ZMIZ1: variants seen among roughly 807,000 people sequenced by gnomAD.
The protein encoded by ZMIZ1 is zinc finger MIZ-type containing 1, also known as zinc finger MIZ domain-containing protein 1.
A neutral mutation model predicts 113.9 loss-of-function variants in ZMIZ1; 17 were observed. The ratio of observed to expected loss-of-function variants is 0.15; its 90% CI spans 0.10 to 0.22. The LOEUF is 0.22. ZMIZ1 is among the 10% of genes least tolerant of loss of function. The probability of loss-of-function intolerance (pLI) is 1.00; values close to 1 mark genes in which losing one functional copy is unlikely to be tolerated. For synonymous variants in ZMIZ1, 607 were observed against 603.1 expected, an observed-to-expected ratio of 1.01 and a Z score of -0.09; for missense variants, 1,059 against 1,477.8, an observed-to-expected ratio of 0.72 and a Z score of 4.65.
intron 4 of ZMIZ1, among the ~76,000 whole-genome samples, chr10:79,201,004 G>A (rs907196855): frequency 1.8e-4 from 27 of 152,162 alleles, no homozygotes; most frequent in Non-Finnish European, 1.9e-4. Flanking sequence ...ACACACATGC[G>A]CATACAGAAA....
Position 79,097,566 on chromosome 10 carries a change from TG to T in ZMIZ1, c.-336-21348del, listed in dbSNP as rs542268587. ...GAGATAATAATAAAATCAATTGGAC[TG>T]TTTCCCCAGTAATTCTAGAGACTGA... On this transcript the variant is annotated intron_variant, in intron 1 of 24. Transcript: ENST00000334512. Among the ~76,000 whole-genome samples the T allele has an allele frequency of 3.3e-5, 5 of 152,334 alleles. No individual in the cohort carries two copies. In the East Asian group the frequency reaches 9.6e-4, roughly 29 times the overall value.
chr10:79,230,754 T>C (rs182211546), intron 7 of ZMIZ1, among the ~76,000 whole-genome samples: 79 of 152,310 alleles, frequency 5.2e-4, no homozygotes, highest in African/African-American at 1.7e-3. Context: ...TCCGCCCGTG[T>C]GGAAGCGCGA....
intron 7 of ZMIZ1, among the ~76,000 whole-genome samples, chr10:79,240,138 G>A (rs975290660): frequency 1.3e-5 from 2 of 151,698 alleles, no homozygotes; most frequent in African/African-American, 4.8e-5. Flanking sequence ...AAGCGCTGGC[G>A]GGCATTCATC....
At chr10:79,311,649 G>A (rs1178139039) in intron 24 of ZMIZ1, among the ~76,000 whole-genome samples, 5 of 152,002 alleles carry the variant, frequency 3.3e-5, no homozygotes, top group Middle Eastern at 3.4e-3. Context: ...TTGCTCCATC[G>A]CTCACTCCAA....
At chr10:79,103,918 A>G (rs1843460569) in intron 1 of ZMIZ1, among the ~76,000 whole-genome samples, 1 of 152,226 alleles carries the variant, frequency 6.6e-6, no homozygotes, top group South Asian at 2.1e-4. Context: ...CTGTCATTCA[A>G]GCACCATTTG....
At chr10:79,259,291 G>A (rs1851110192) in intron 7 of ZMIZ1, among the ~76,000 whole-genome samples, 2 of 152,114 alleles carry the variant, frequency 1.3e-5, no homozygotes, top group South Asian at 4.1e-4. Context: ...TTTCATGGAG[G>A]AGAAGAGAGA....
chr10:79,086,962 G>T (rs1043822293), intron 1 of ZMIZ1, among the ~76,000 whole-genome samples: 2 of 152,018 alleles, frequency 1.3e-5, no homozygotes, highest in African/African-American at 4.8e-5. Flanking sequence ...CCTTTTATTT[G>T]AATTTCTCAT....
chr10:79,164,467 TGAGTGAAG>T (rs1846240302), intron 4 of ZMIZ1, among the ~76,000 whole-genome samples: 1 of 152,022 alleles, frequency 6.6e-6, no homozygotes, highest in Non-Finnish European at 1.5e-5. Flanking sequence ...GTAGCTGTCT[TGAGTGAAG>T]GAGGTGGTAC....
intron 4 of ZMIZ1, among the ~76,000 whole-genome samples, chr10:79,173,812 T>C (rs191874124): frequency 2.1e-4 from 32 of 152,324 alleles, no homozygotes; most frequent in Admixed American, 5.9e-4. Context: ...CTAGGTAATA[T>C]GCTCGTGATC....
intron 17 of ZMIZ1, 43 bp downstream of exon 17, chr10:79,300,985 C>G: frequency 6.3e-7 from 1 of 1,599,196 alleles, no homozygotes; most frequent in Non-Finnish European, 8.5e-7. Flanking sequence ...CAGGCAGGCC[C>G]TGTTTCACGG....
intron 7 of ZMIZ1, among the ~76,000 whole-genome samples, chr10:79,272,201 G>A (rs146857071): frequency 0.036 from 5,416 of 151,958 alleles, 116 homozygotes; most frequent in Middle Eastern, 0.054. Flanking sequence ...CACAAGAATC[G>A]CTTGAATCCG....
In ZMIZ1 at chr10:79,115,616, C is replaced by T. The variant is rs573558348; in HGVS notation, c.-336-3299C>T. Among the ~76,000 whole-genome samples, 16 of 152,320 alleles carry T rather than the reference C, an allele frequency of 1.1e-4. No individual in the cohort carries two copies. The East Asian group carries it at 2.1e-3, about 20-fold the overall frequency. ...GAGAGAAAACTGGCTCATCAGAGAT[C>T]GTTGTGTCAGCCATAGCTCTTAGAT... On this transcript the variant is annotated intron_variant, in intron 1 of 24. Transcript: ENST00000334512.
intron 2 of ZMIZ1, among the ~76,000 whole-genome samples, chr10:79,135,469 C>A (rs957016105): frequency 6.6e-6 from 1 of 152,256 alleles, no homozygotes; most frequent in Admixed American, 6.5e-5. Flanking sequence ...CCATTTCCCA[C>A]CAAGCCACCA....
chr10:79,275,475 A>G (rs1373884661), intron 7 of ZMIZ1, among the ~76,000 whole-genome samples: 1 of 152,222 alleles, frequency 6.6e-6, no homozygotes, highest in Non-Finnish European at 1.5e-5. Flanking sequence ...TGGAGCAAGC[A>G]GCTCTGGCGA....
chr10:79,202,189 G>GAAAAAAA (rs58021590), intron 5 of ZMIZ1, among the ~76,000 whole-genome samples: 125 of 52,616 alleles, frequency 2.4e-3, no homozygotes, highest in East Asian at 4.9e-3. Context: ...CCCTGTCTCA[G>GAAAAAAA]AAAAAAAAAA....
intron 17 of ZMIZ1, 141 bp downstream of exon 17, chr10:79,301,083 A>C (rs1319343602): frequency 1.6e-6 from 2 of 1,259,748 alleles, no homozygotes; most frequent in Non-Finnish European, 2.2e-6. Flanking sequence ...CCAAAGATAC[A>C]GCGTCCCCTT....
chr10:79,202,003 C>T (rs1210044014), intron 5 of ZMIZ1, among the ~76,000 whole-genome samples: 1 of 149,746 alleles, frequency 6.7e-6, no homozygotes, highest in Non-Finnish European at 1.5e-5. Flanking sequence ...ATCTCTCTCC[C>T]ACCACCTCCC....
intron 1 of ZMIZ1, among the ~76,000 whole-genome samples, chr10:79,091,366 G>A (rs924292224): frequency 6.6e-6 from 1 of 152,186 alleles, no homozygotes; most frequent in Admixed American, 6.5e-5. Flanking sequence ...TAGCACGGGG[G>A]CCATAACGGC....
chr10:79,286,908 T>A (rs567024989), intron 8 of ZMIZ1, among the ~76,000 whole-genome samples: 5 of 152,268 alleles, frequency 3.3e-5, no homozygotes, highest in Admixed American at 2.6e-4. Context: ...GCCAGGCATG[T>A]TCTCAAAGGA....
Sources: allele counts gnomAD v4.1 joint callset (sites outside exome capture counted in the v4.1 genomes callset), GRCh38; gene constraint gnomAD v4.1.1; transcripts MANE v1.5; gene names NCBI Gene and HGNC (gene_info 2026-07-23, HGNC 2026-07-21).